IGFBP4: variants seen among roughly 807,000 people sequenced by gnomAD.
IGFBP4 encodes insulin like growth factor binding protein 4, also known as insulin-like growth factor-binding protein 4.
In IGFBP4, 9 loss-of-function variants were observed where a neutral mutation model predicts 25.8. The ratio of observed to expected loss-of-function variants is 0.35; its 90% CI spans 0.21 to 0.61. The LOEUF is 0.61. Ranked by LOEUF, IGFBP4 falls within the 20% of genes least tolerant of loss-of-function variation. The pLI, the probability that IGFBP4 is intolerant of heterozygous loss-of-function variation, is 0.77. For synonymous variants in IGFBP4, 153 were observed against 153.9 expected (o/e 0.99, Z 0.05); for missense variants, 315 against 365.3 (o/e 0.86, Z 1.12).
intron 1 of IGFBP4, among the ~76,000 whole-genome samples, chr17:40,445,361 C>T (rs1317638142): frequency 6.6e-6 from 1 of 152,198 alleles, no homozygotes; most frequent in Non-Finnish European, 1.5e-5. Flanking sequence ...CTGTTTTGCT[C>T]TCCTGTGCCT....
intron 3 of IGFBP4, among the ~76,000 whole-genome samples, chr17:40,455,091 T>C (rs1363002876): frequency 6.6e-6 from 1 of 152,178 alleles, no homozygotes; most frequent in Admixed American, 6.5e-5. Flanking sequence ...TAAAAAACTT[T>C]TTCTCTTAAT....
At chr17:40,448,217 G>A (rs548369378) in intron 1 of IGFBP4, among the ~76,000 whole-genome samples, 73 of 152,378 alleles carry the variant, frequency 4.8e-4, no homozygotes, top group Non-Finnish European at 9.3e-4. Flanking sequence ...GGTGTCTCTC[G>A]AGGGCCAGGG....
rs1017680285 is a variant in IGFBP4, at chr17:40,457,249, T to C, written c.*666T>C. 1 of 152,160 alleles carries C rather than the reference T, an allele frequency of 6.6e-6. No individual in the cohort carries two copies. Among genetic ancestry groups the C allele is most frequent in the East Asian group, 1.9e-4 (1 of 5,184 alleles). 9.4% of individuals were successfully genotyped at this position (152,160 alleles called of 1,614,324 possible). On this transcript the variant is annotated 3_prime_UTR_variant, in exon 4 of 4. Transcript: ENST00000269593. ...TTCTCTTCTTCCCCAGGTCCTTCCTTTAGGTCTGGTTGTTGCACCATCTGC... is the reference window on the plus strand; with the variant it reads ...TTCTCTTCTTCCCCAGGTCCTTCCTCTAGGTCTGGTTGTTGCACCATCTGC...
At chr17:40,449,151 A>G (rs2035667524) in intron 1 of IGFBP4, among the ~76,000 whole-genome samples, 1 of 152,078 alleles carries the variant, frequency 6.6e-6, no homozygotes, top group African/African-American at 2.4e-5. Context: ...TTCGTAGGTA[A>G]CCCTCTGATG....
At chr17:40,448,686 C>G (rs1244334266) in intron 1 of IGFBP4, among the ~76,000 whole-genome samples, 1 of 152,130 alleles carries the variant, frequency 6.6e-6, no homozygotes, top group African/African-American at 2.4e-5. Context: ...ATGCTATAAC[C>G]CTTACCCCCA....
In IGFBP4 at chr17:40,443,651, C is replaced by A; in HGVS notation, c.-85C>A. 1.6e-6 allele frequency: 1 copy of A among 641,090 alleles called. No individual in the cohort carries two copies. Among genetic ancestry groups the A allele is most frequent in the Non-Finnish European group, 2.0e-6 (1 of 500,890 alleles). 39.7% of individuals were successfully genotyped at this position (641,090 alleles called of 1,614,324 possible). On this transcript the variant is annotated 5_prime_UTR_variant, in exon 1 of 4. Transcript: ENST00000269593. ...CTCCAGGAGCGCCAGGCGCTGCCGC[C>A]GTGTGCCCTCCGCCGCTCGCCCGCG...
At chr17:40,451,710 G>A (rs775797534) in intron 1 of IGFBP4, among the ~76,000 whole-genome samples, 2 of 152,254 alleles carry the variant, frequency 1.3e-5, no homozygotes, top group African/African-American at 4.8e-5. Flanking sequence ...GATCTGCAGA[G>A]AGGTCTTCCA....
At chr17:40,451,095 G>A (rs971940931) in intron 1 of IGFBP4, among the ~76,000 whole-genome samples, 6 of 152,054 alleles carry the variant, frequency 3.9e-5, no homozygotes, top group Non-Finnish European at 7.4e-5. Context: ...CACAGTCCTC[G>A]TCTTCTGAAG....
chr17:40,449,763 G>A (rs868052840), intron 1 of IGFBP4, among the ~76,000 whole-genome samples: 2 of 149,766 alleles, frequency 1.3e-5, no homozygotes, highest in Non-Finnish European at 3.0e-5. Flanking sequence ...AAAAAAAAAA[G>A]GAGAGAGAGA....
rs541192725 is a variant in IGFBP4 at position 40,453,664 on chromosome 17, A to G, written c.508-264A>G. ...TCCCTGGCTTTCTGCATAGGTTCCC[A>G]CAGCCCCTTTCCCCACAGTGTCCCC... On this transcript the variant is annotated intron_variant, in intron 2 of 3. Coordinates refer to ENST00000269593, the MANE Select transcript of IGFBP4 (RefSeq NM_001552.3). The surrounding 1 kb of genome is among the most constrained non-coding windows in gnomAD (Gnocchi z 4.0). Among the ~76,000 whole-genome samples, 2 of 151,956 alleles carry G rather than the reference A, an allele frequency of 1.3e-5. No homozygotes were observed. The highest frequency in any genetic ancestry group is 4.8e-5 in the African/African-American group (2 of 41,454).
chr17:40,446,412 T>G (rs970321859), intron 1 of IGFBP4, among the ~76,000 whole-genome samples: 10 of 151,550 alleles, frequency 6.6e-5, no homozygotes, highest in Non-Finnish European at 1.0e-4. Flanking sequence ...GGTCAGGAGT[T>G]TGAGACCAGC....
intron 1 of IGFBP4, among the ~76,000 whole-genome samples, chr17:40,447,905 G>A (rs2035658537): frequency 6.6e-6 from 1 of 152,150 alleles, no homozygotes; most frequent in South Asian, 2.1e-4. Context: ...ATTCAGAGGA[G>A]TTGAGAGGGG....
chr17:40,454,125 C>T (rs755485198), intron 3 of IGFBP4, 63 bp downstream of exon 3: 48 of 1,565,510 alleles, frequency 3.1e-5, no homozygotes, highest in Admixed American at 9.2e-5. Context: ...CCGGCCTCTC[C>T]GCAGGATGGT....
intron 1 of IGFBP4, among the ~76,000 whole-genome samples, chr17:40,444,344 G>A (rs1195468538): frequency 6.6e-6 from 1 of 152,188 alleles, no homozygotes; most frequent in African/African-American, 2.4e-5. Context: ...GTTTGATAAG[G>A]GGGTCCCAGT....
At chr17:40,444,962 G>C (rs950979998) in intron 1 of IGFBP4, among the ~76,000 whole-genome samples, 12 of 137,218 alleles carry the variant, frequency 8.7e-5, no homozygotes, top group South Asian at 2.3e-4. Flanking sequence ...GAGAGAGAGA[G>C]AGAGAGAGAG....
rs1000112456 is a variant in IGFBP4, at chr17:40,444,003, C to T, written c.268C>T (p.Leu90=). 9 of 1,536,106 alleles carry T rather than the reference C, an allele frequency of 5.9e-6. No homozygotes were observed. The Admixed American group carries it at 1.8e-4, about 30-fold the overall frequency. The change falls in exon 1 of 4, where the codon CTG becomes TTG. Residue 90 remains leucine (L), a synonymous_variant. Transcript: ENST00000269593. ...CCCGCCCCGAGGGGTGGAGAAGCCC[C>T]TGCACACACTGATGCACGGGCAAGG... ...CYPPRGVEKP[L]HTLMHGQGVC...
intron 3 of IGFBP4, among the ~76,000 whole-genome samples, chr17:40,454,887 T>C (rs1476736685): frequency 1.3e-5 from 2 of 152,176 alleles, no homozygotes; most frequent in African/African-American, 4.8e-5. Flanking sequence ...CCATGAGCTA[T>C]AGACAAATCC....
At chr17:40,444,950 G>C (rs868695324) in intron 1 of IGFBP4, among the ~76,000 whole-genome samples, 2,118 of 147,538 alleles carry the variant, frequency 0.014, 67 homozygotes, top group African/African-American at 0.047. Flanking sequence ...GAGAGAGAGA[G>C]AGAGAGAGAG....
At position 40,456,754 on chromosome 17, in the gene IGFBP4, T is replaced by C; in HGVS notation, c.*171T>C. On this transcript the variant is annotated 3_prime_UTR_variant, in exon 4 of 4. Transcript: ENST00000269593. ...GCGTGTGCGTGCGTGTGTGTGTGTT[T>C]GTGAGCATGGGTGTGCCCTTGGGGT... 1.6e-6 allele frequency: 1 copy of C among 640,462 alleles called. No individual in the cohort carries two copies. The highest frequency in any genetic ancestry group is 2.9e-5 in the East Asian group (1 of 34,502). 39.7% of individuals were successfully genotyped at this position (640,462 alleles called of 1,614,324 possible). A position where few individuals can be genotyped will look rare whatever the true frequency, so the allele number is the denominator to read the frequency against.
Sources: allele counts gnomAD v4.1 joint callset (sites outside exome capture counted in the v4.1 genomes callset), GRCh38; gene constraint gnomAD v4.1.1; non-coding constraint Gnocchi (gnomAD v3.1); transcripts MANE v1.5; gene names NCBI Gene and HGNC (gene_info 2026-07-23, HGNC 2026-07-21).